Variants in OR2C1 observed in about 807,000 individuals in gnomAD.
OR2C1 encodes olfactory receptor 2C1.
For missense variants in OR2C1, 468 were observed against 388.3 expected (o/e 1.21, Z -1.73); for synonymous variants, 209 against 167.3 (o/e 1.25, Z -1.92).
the OR2C1 span, among the ~76,000 whole-genome samples, chr16:3,350,706 G>T: frequency 6.6e-6 from 1 of 151,760 alleles, no homozygotes; most frequent in South Asian, 2.1e-4. Context: ...CCACGTGCCC[G>T]GCCCCAAAGG....
At chr16:3,324,410 G>A in the OR2C1 span, among the ~76,000 whole-genome samples, 3 of 152,056 alleles carry the variant, frequency 2.0e-5, no homozygotes, top group Non-Finnish European at 2.9e-5. Context: ...GGCTGGTCTC[G>A]AACTCCTGAG....
the OR2C1 span, among the ~76,000 whole-genome samples, chr16:3,345,759 TTCTC>T: frequency 2.7e-5 from 4 of 149,736 alleles, no homozygotes; most frequent in African/African-American, 4.9e-5. Flanking sequence ...CTCTCTCTCG[TTCTC>T]TCTTTCTCTC....
At chr16:3,338,750 A>T in the OR2C1 span, among the ~76,000 whole-genome samples, 2 of 151,852 alleles carry the variant, frequency 1.3e-5, no homozygotes, top group Admixed American at 1.3e-4. Context: ...GTTAGCCAGG[A>T]TGGTCTCGAT....
At chr16:3,343,039 A>C in the OR2C1 span, among the ~76,000 whole-genome samples, 6 of 152,212 alleles carry the variant, frequency 3.9e-5, no homozygotes, top group Admixed American at 1.3e-4. Flanking sequence ...TACAAATGAC[A>C]AATAAAATAG....
At chr16:3,343,945 G>A in the OR2C1 span, among the ~76,000 whole-genome samples, 7 of 152,154 alleles carry the variant, frequency 4.6e-5, no homozygotes, top group South Asian at 2.1e-4. Flanking sequence ...TGGGCTGGGC[G>A]CAATGGCTCA....
chr16:3,333,615 G>C, the OR2C1 span, among the ~76,000 whole-genome samples: 1 of 152,148 alleles, frequency 6.6e-6, no homozygotes, highest in Non-Finnish European at 1.5e-5. Context: ...GATTACAGGC[G>C]TGGGCCACTG....
the OR2C1 span, among the ~76,000 whole-genome samples, chr16:3,345,216 C>T: frequency 6.6e-6 from 1 of 151,850 alleles, no homozygotes; most frequent in Non-Finnish European, 1.5e-5. Context: ...TGCCTGTAAT[C>T]CCAGCACTTT....
chr16:3,353,807 A>G (rs2030612048), upstream of OR2C1, among the ~76,000 whole-genome samples: 1 of 151,872 alleles, frequency 6.6e-6, no homozygotes, highest in Non-Finnish European at 1.5e-5. Context: ...TCTCAAAAAA[A>G]GAGAAAGAAG....
chr16:3,347,784 G>GCA, the OR2C1 span, among the ~76,000 whole-genome samples: 4 of 150,154 alleles, frequency 2.7e-5, no homozygotes, highest in African/African-American at 9.8e-5. Flanking sequence ...ATGCACACAC[G>GCA]CACACACACA....
the OR2C1 span, among the ~76,000 whole-genome samples, chr16:3,333,210 CATTTTTTTTTTTTTTTTTT>C: frequency 0.075 from 2,467 of 33,080 alleles, 215 homozygotes; most frequent in African/African-American, 0.21. Context: ...ATCTTTTGCC[CATTTTTTTTTTTTTTTTTT>C]TTTTTTTTTT....
chr16:3,354,557 T>C (rs2030628604), upstream of OR2C1, among the ~76,000 whole-genome samples: 1 of 152,244 alleles, frequency 6.6e-6, no homozygotes, highest in Non-Finnish European at 1.5e-5. Context: ...TAAGTCTGTA[T>C]CTACTCTTTC....
chr16:3,342,042 C>G, the OR2C1 span, among the ~76,000 whole-genome samples: 1 of 152,042 alleles, frequency 6.6e-6, no homozygotes, highest in South Asian at 2.1e-4. Context: ...GGAAATATAC[C>G]AGATGTCCTT....
the OR2C1 span, among the ~76,000 whole-genome samples, chr16:3,327,522 C>G: frequency 0.014 from 2,127 of 151,866 alleles, 58 homozygotes; most frequent in African/African-American, 0.049. Flanking sequence ...TAAGAAGACC[C>G]TCTTGACCTC....
the OR2C1 span, among the ~76,000 whole-genome samples, chr16:3,350,201 G>A: frequency 2.0e-5 from 3 of 150,682 alleles, no homozygotes; most frequent in Admixed American, 6.6e-5. Flanking sequence ...AATTACAGGC[G>A]CCTGCCACCA....
At chr16:3,357,703 T>G (rs1247664258), downstream of OR2C1, among the ~76,000 whole-genome samples, 2 of 152,090 alleles carry the variant, frequency 1.3e-5, no homozygotes. Context: ...AGTATACCAC[T>G]GGGTGCAGTG....
the OR2C1 span, among the ~76,000 whole-genome samples, chr16:3,332,999 C>T: frequency 6.6e-6 from 1 of 151,942 alleles, no homozygotes; most frequent in Non-Finnish European, 1.5e-5. Flanking sequence ...CCAACAACAG[C>T]GTACAAGGGT....
At chr16:3,357,526 C>A (rs1250417362), downstream of OR2C1, among the ~76,000 whole-genome samples, 2 of 152,144 alleles carry the variant, frequency 1.3e-5, no homozygotes, top group Non-Finnish European at 2.9e-5. Context: ...TGCTACCACA[C>A]CTAACTAATT....
chr16:3,339,833 C>T, the OR2C1 span, among the ~76,000 whole-genome samples: 1 of 152,112 alleles, frequency 6.6e-6, no homozygotes, highest in Non-Finnish European at 1.5e-5. Context: ...CATATATTAT[C>T]ATTATAGCCA....
chr16:3,344,841 C>T, the OR2C1 span, among the ~76,000 whole-genome samples: 3 of 152,112 alleles, frequency 2.0e-5, no homozygotes, highest in Non-Finnish European at 4.4e-5. Context: ...TTGGGACAGT[C>T]TGTTGGTGCA....
Sources: gnomAD v4.1 joint callset for allele counts (sites outside exome capture counted in the v4.1 genomes callset) on GRCh38, gnomAD v4.1.1 for gene constraint, MANE v1.5 for transcripts, NCBI Gene and HGNC (gene_info 2026-07-23, HGNC 2026-07-21) for gene names.